The following RYR1 variants were observed in gnomAD, a reference collection of about 807,000 sequenced individuals.
RYR1 encodes central core disease of muscle.
Under a neutral mutation model 583.5 loss-of-function variants are expected in RYR1, and 342 were observed. The ratio of observed to expected loss-of-function variants is 0.59; its 90% CI spans 0.54 to 0.64. The LOEUF is 0.64. RYR1 is among the 30% of genes least tolerant of loss of function. The pLI is 0.00. For missense variants in RYR1, 6,032 were observed against 6,917.2 expected (o/e 0.87, Z 4.54); for synonymous variants, 2,791 against 2,822.5 (o/e 0.99, Z 0.35).
At chr19:38,452,014 C>T (rs1335173914) in intron 12 of RYR1, 129 bp downstream of exon 12, 11 of 1,293,148 alleles carry the variant, frequency 8.5e-6, no homozygotes, top group South Asian at 6.1e-5. Flanking sequence ...ATGGGCCAAG[C>T]GCAGTGGCTC....
chr19:38,551,889 C>T (rs976530238), intron 89 of RYR1, among the ~76,000 whole-genome samples: 1 of 152,120 alleles, frequency 6.6e-6, no homozygotes, highest in African/African-American at 2.4e-5. Flanking sequence ...CTGTGCCCTG[C>T]GTATAAATGA....
chr19:38,552,258 C>CT lies in RYR1; in HGVS notation c.12282+3850dup, dbSNP rs950863189. Among the ~76,000 whole-genome samples the CT allele has an allele frequency of 3.9e-3, 553 of 142,210 alleles. 4 individuals carry two copies. Among genetic ancestry groups the CT allele is most frequent in the African/African-American group, 0.012 (456 of 38,912 alleles). The allele number at this position is 142,210 out of a possible 152,430, so 93.3% of individuals were successfully genotyped here. Reference sequence around the variant, plus strand: ...TAAGCTACCATGCCCAGCAGGACTGCTTTTTTTTTTTTGAGATGGAGGAGT... The same window carrying CT: ...TAAGCTACCATGCCCAGCAGGACTGCTTTTTTTTTTTTTGAGATGGAGGAGT... On this transcript the variant is annotated intron_variant, in intron 89 of 105. Coordinates refer to ENST00000359596, the MANE Select transcript of RYR1 (RefSeq NM_000540.3).
chr19:38,520,849 G>C (rs902311678), intron 67 of RYR1, among the ~76,000 whole-genome samples: 3 of 152,184 alleles, frequency 2.0e-5, no homozygotes, highest in African/African-American at 7.2e-5. Context: ...CTCCACGGCA[G>C]TGGGAGTGAA....
intron 39 of RYR1, 118 bp downstream of exon 39, chr19:38,494,743 T>C: frequency 7.7e-7 from 1 of 1,297,818 alleles, no homozygotes; most frequent in South Asian, 1.2e-5. Flanking sequence ...TCTCAGTCTC[T>C]CGATGGCTAG....
At chr19:38,443,168 G>A (rs1425013342) in intron 3 of RYR1, among the ~76,000 whole-genome samples, 1 of 152,198 alleles carries the variant, frequency 6.6e-6, no homozygotes, top group Admixed American at 6.5e-5. Flanking sequence ...CTGCAGCGCA[G>A]CATGATGGGG....
At chr19:38,579,346 A>G (rs1599662618) in intron 99 of RYR1, among the ~76,000 whole-genome samples, 1 of 144,518 alleles carries the variant, frequency 6.9e-6, no homozygotes, top group African/African-American at 2.6e-5. Context: ...AATCGCTTGA[A>G]CCCGGGAGGC....
intron 29 of RYR1, 114 bp from the exon 30 acceptor site, chr19:38,477,596 T>C (rs977830117): frequency 7.5e-7 from 1 of 1,342,018 alleles, no homozygotes. Context: ...ATCCAACAAC[T>C]TCCTGTTAAA....
intron 3 of RYR1, among the ~76,000 whole-genome samples, chr19:38,443,070 A>C (rs1054867119): frequency 2.6e-5 from 4 of 152,126 alleles, no homozygotes; most frequent in Non-Finnish European, 5.9e-5. Flanking sequence ...CGGGTTGGGG[A>C]CCTTGTGCTG....
In RYR1 at chr19:38,469,409, G is replaced by A. The variant is rs1238193641; in HGVS notation, c.3661G>A (p.Gly1221Ser). ...CTTTGCCATCTGTGGCCTCCAGGAAGGCTTCGAGCCATTTGCCATCAACAT... is the reference window on the plus strand; with the variant it reads ...CTTTGCCATCTGTGGCCTCCAGGAAAGCTTCGAGCCATTTGCCATCAACAT... ...RFFAICGLQE[G>S]FEPFAINMQR... The change falls in exon 27 of 106, where the codon GGC (glycine) becomes AGC (serine). Residue 1221 changes from glycine to serine, a missense_variant. This residue lies in a region of RYR1 where 2,627 missense variants were observed against 2,961.3 expected (regional missense o/e 0.89). Coordinates refer to ENST00000359596, the MANE Select transcript of RYR1 (RefSeq NM_000540.3). The A allele has an allele frequency of 6.2e-7, 1 of 1,614,176 alleles. No homozygotes were observed. Among genetic ancestry groups the A allele is most frequent in the Admixed American group, 1.7e-5 (1 of 60,018 alleles).
At position 38,483,302 on chromosome 19, in the gene RYR1, T is replaced by G; in HGVS notation, c.4720T>G (p.Leu1574Val). 6.4e-7 allele frequency: 1 copy of G among 1,559,690 alleles called. No homozygotes were observed. Among genetic ancestry groups the G allele is most frequent in the Non-Finnish European group, 8.7e-7 (1 of 1,152,034 alleles). Residue 1574 changes from leucine to valine, a missense_variant, in exon 33 of 106, where the codon TTG becomes GTG. Transcript: ENST00000359596. This position sits in a 1 kb window ranked among gnomAD's most constrained non-coding sequence, Gnocchi z 6.3. ...ELGKQKNIMP[L>V]SAAMFQSERK... ...TCTCTGCCCTCAGAACATCATGCCG[T>G]TGTCAGCCGCCATGTTCCAAAGCGA...
At chr19:38,550,765 C>A (rs1329498196) in intron 89 of RYR1, among the ~76,000 whole-genome samples, 1 of 152,098 alleles carries the variant, frequency 6.6e-6, no homozygotes, top group Non-Finnish European at 1.5e-5. Context: ...CTGTTATTCC[C>A]TTTGGAATCA....
chr19:38,514,770 C>G (rs1266404423), intron 63 of RYR1, among the ~76,000 whole-genome samples: 2 of 152,012 alleles, frequency 1.3e-5, no homozygotes, highest in Non-Finnish European at 2.9e-5. Flanking sequence ...TAGTGGCTTT[C>G]CAAGTAGTAA....
At position 38,506,291 on chromosome 19, in the gene RYR1, T is replaced by G; in HGVS notation, c.8542-12T>G. 1 of 1,613,822 alleles carries G rather than the reference T, an allele frequency of 6.2e-7. No homozygotes were observed. The highest frequency in any genetic ancestry group is 1.1e-5 in the South Asian group (1 of 91,060). ...CATCAGCCCACCTCCCATCTTCCCC[T>G]TGTCCTCTCAGACCTATGATCCTCG... is the stretch of plus-strand genomic sequence containing the variant. On this transcript the variant is annotated splice_polypyrimidine_tract_variant and intron_variant, in intron 54 of 105. Coordinates refer to ENST00000359596, the MANE Select transcript of RYR1 (RefSeq NM_000540.3).
At chr19:38,523,622 TCTC>T (rs1400413691) in intron 69 of RYR1, 20 of 603,714 alleles carry the variant, frequency 3.3e-5, no homozygotes, top group Middle Eastern at 3.8e-4. Context: ...CAAGCCTCTC[TCTC>T]CTCCCATTTC....
At chr19:38,508,107 T>C (rs1970561855) in intron 58 of RYR1, among the ~76,000 whole-genome samples, 1 of 152,198 alleles carries the variant, frequency 6.6e-6, no homozygotes, top group Non-Finnish European at 1.5e-5. Flanking sequence ...ATCAGTGTTA[T>C]GGGAAGAAGA....
In RYR1 at chr19:38,510,170, A is replaced by G. The variant is rs528231968; in HGVS notation, c.8933-328A>G. On this transcript the variant is annotated intron_variant, in intron 58 of 105. Transcript: ENST00000359596. ...ACCTTGGCTGTACTAAAAATACAAA[A>G]ATTAGCTTGGTGTGTGGGAGCATGT... Among the ~76,000 whole-genome samples the G allele has an allele frequency of 2.6e-5, 4 of 152,180 alleles. No individual in the cohort carries two copies. The South Asian group carries it at 8.3e-4, about 32-fold the overall frequency.
intron 20 of RYR1, among the ~76,000 whole-genome samples, chr19:38,462,129 G>A (rs1451358985): frequency 6.6e-6 from 1 of 152,172 alleles, no homozygotes; most frequent in Non-Finnish European, 1.5e-5. Flanking sequence ...TATAGGTTAG[G>A]TTTAAAAGCC....
chr19:38,481,141 T>C (rs1461782064), intron 31 of RYR1, among the ~76,000 whole-genome samples: 2 of 152,192 alleles, frequency 1.3e-5, no homozygotes, highest in Non-Finnish European at 2.9e-5. Flanking sequence ...TATTTTAATT[T>C]ATTAAGACAG....
chr19:38,559,057 C>T (rs1425907999), intron 89 of RYR1, among the ~76,000 whole-genome samples: 5 of 152,056 alleles, frequency 3.3e-5, no homozygotes, highest in African/African-American at 1.2e-4. Context: ...CCACTGCACT[C>T]TAGCCTGGGC....
Sources: allele counts gnomAD v4.1 joint callset (sites outside exome capture counted in the v4.1 genomes callset), GRCh38; gene constraint gnomAD v4.1.1; regional missense constraint gnomAD v4.1.1; non-coding constraint Gnocchi (gnomAD v3.1); transcripts MANE v1.5; gene names NCBI Gene and HGNC (gene_info 2026-07-23, HGNC 2026-07-21).